PSD3: variants seen among roughly 807,000 people sequenced by gnomAD.
PSD3 encodes the protein PH and SEC7 domain-containing protein 3.
A neutral mutation model predicts 105.5 loss-of-function variants in PSD3; 49 were observed. The ratio of observed to expected loss-of-function variants is 0.46; its 90% confidence interval spans 0.37 to 0.59. The LOEUF (loss-of-function observed/expected upper bound fraction) is 0.59, where lower values mean the gene tolerates loss of function less well. PSD3 is among the 20% of genes least tolerant of loss of function. The pLI is 0.00. For synonymous variants in PSD3, 557 were observed against 457.8 expected (o/e 1.22, Z -2.77); for missense variants, 1,561 against 1,263.8 (o/e 1.24, Z -3.57).
chr8:18,669,164 G>T (rs1379525050), intron 9 of PSD3, among the ~76,000 whole-genome samples: 1 of 152,116 alleles, frequency 6.6e-6, no homozygotes, highest in Non-Finnish European at 1.5e-5. Flanking sequence ...ACAAATATTT[G>T]ATTATAACAC....
chr8:18,627,975 A>T (rs924350637), intron 11 of PSD3, among the ~76,000 whole-genome samples: 2 of 152,082 alleles, frequency 1.3e-5, no homozygotes, highest in Non-Finnish European at 2.9e-5. Context: ...ATAAGGAGAG[A>T]AACGGAAGAT....
Position 19,039,307 on chromosome 8 carries a change from T to C in PSD3, c.324+44899A>G, listed in dbSNP as rs140796605. ...ATTACAAAATCAGTGCATGTATCTG[T>C]GCTCATTTCTGGGCTTCAGTTTTTC... On this transcript the variant is annotated intron_variant, in intron 1 of 1. Coordinates refer to the PSD3 transcript ENST00000521475. 7.6e-4 allele frequency among the ~76,000 whole-genome samples: 116 copies of C among 152,362 alleles called. 1 individual carries two copies. The highest frequency in any genetic ancestry group is 2.6e-3 in the African/African-American group (108 of 41,588).
Position 18,950,531 on chromosome 8 carries a change from C to T in PSD3, c.22-14389G>A, listed in dbSNP as rs988752044. 4.6e-5 allele frequency among the ~76,000 whole-genome samples: 7 copies of T among 152,258 alleles called. 1 individual carries two copies. Among genetic ancestry groups the T allele is most frequent in the East Asian group, 3.9e-4 (2 of 5,172 alleles). On this transcript the variant is annotated intron_variant, in intron 1 of 15. Transcript: ENST00000327040. Reference sequence around the variant, plus strand: ...TTTGCACCCTCTGGCCATCATCTCCCGATTTCCCCTACCCCAGCCTCTGGT... The same window carrying T: ...TTTGCACCCTCTGGCCATCATCTCCTGATTTCCCCTACCCCAGCCTCTGGT...
At chr8:18,974,983 A>C (rs564751685) in intron 1 of PSD3, among the ~76,000 whole-genome samples, 3 of 152,308 alleles carry the variant, frequency 2.0e-5, no homozygotes, top group Admixed American at 2.0e-4. Context: ...GCATTGGAGA[A>C]AGAGAAAAAG....
intron 9 of PSD3, among the ~76,000 whole-genome samples, chr8:18,740,973 C>G (rs973917617): frequency 6.6e-6 from 1 of 151,974 alleles, no homozygotes; most frequent in Non-Finnish European, 1.5e-5. Context: ...ATCTGACCCT[C>G]AAGAAATAAG....
chr8:18,651,760 G>A (rs1808497457), intron 10 of PSD3, among the ~76,000 whole-genome samples: 1 of 152,168 alleles, frequency 6.6e-6, no homozygotes, highest in Admixed American at 6.5e-5. Context: ...GATGGAATAG[G>A]AGCTGGACTG....
At chr8:18,731,075 G>C (rs1803710477) in intron 9 of PSD3, among the ~76,000 whole-genome samples, 1 of 130,256 alleles carries the variant, frequency 7.7e-6, no homozygotes, top group African/African-American at 2.8e-5. Context: ...GGCCAACATG[G>C]TAAAACCCTG....
intron 15 of PSD3, among the ~76,000 whole-genome samples, chr8:18,549,418 G>T (rs1800635345): frequency 1.3e-5 from 2 of 152,072 alleles, no homozygotes; most frequent in South Asian, 4.2e-4. Flanking sequence ...ATGTTGGCCA[G>T]GCTGGTCTTG....
chr8:19,060,411 T>A (rs1012263464), intron 1 of PSD3, among the ~76,000 whole-genome samples: 1 of 152,200 alleles, frequency 6.6e-6, no homozygotes, highest in African/African-American at 2.4e-5. Flanking sequence ...ATCTTATATA[T>A]AGCTCCACTC....
At chr8:18,538,057 G>C (rs1799937352) in intron 15 of PSD3, among the ~76,000 whole-genome samples, 1 of 152,314 alleles carries the variant, frequency 6.6e-6, no homozygotes, top group African/African-American at 2.4e-5. Context: ...GTAGGTATGA[G>C]GAAATAGGAC....
intron 11 of PSD3, among the ~76,000 whole-genome samples, chr8:18,616,305 T>G (rs572495699): frequency 5.3e-5 from 8 of 152,226 alleles, no homozygotes; most frequent in Non-Finnish European, 1.2e-4. Context: ...GACCCTACAA[T>G]ACATTTCTTT....
intron 1 of PSD3, among the ~76,000 whole-genome samples, chr8:19,082,607 C>A (rs1189249363): frequency 6.6e-6 from 1 of 152,138 alleles, no homozygotes; most frequent in East Asian, 1.9e-4. Flanking sequence ...AGGGTGAGAT[C>A]CACACACTTG....
At chr8:18,627,125 A>G (rs1166620962) in intron 11 of PSD3, among the ~76,000 whole-genome samples, 4 of 152,126 alleles carry the variant, frequency 2.6e-5, no homozygotes, top group Non-Finnish European at 4.4e-5. Context: ...ATTGGATTAT[A>G]ATTCTGAAGA....
intron 1 of PSD3, among the ~76,000 whole-genome samples, chr8:19,064,020 A>G (rs990970405): frequency 6.6e-6 from 1 of 152,048 alleles, no homozygotes; most frequent in Non-Finnish European, 1.5e-5. Context: ...GCACACCTGT[A>G]ATCCCAGCTA....
At chr8:18,893,695 C>T (rs557093740) in intron 2 of PSD3, among the ~76,000 whole-genome samples, 5 of 152,096 alleles carry the variant, frequency 3.3e-5, no homozygotes, top group Admixed American at 3.3e-4. Flanking sequence ...GGCAGGGAAG[C>T]AGGATCAGAA....
intron 14 of PSD3, among the ~76,000 whole-genome samples, chr8:18,568,225 C>T (rs1801914004): frequency 6.6e-6 from 1 of 152,146 alleles, no homozygotes; most frequent in African/African-American, 2.4e-5. Flanking sequence ...GGCTAAGATA[C>T]CCAGTGACCT....
intron 9 of PSD3, among the ~76,000 whole-genome samples, chr8:18,666,185 G>C (rs10106170): frequency 2.6e-5 from 4 of 152,158 alleles, no homozygotes; most frequent in Non-Finnish European, 1.5e-5. Context: ...TGAGTAGCTG[G>C]AATTATAGGG....
chr8:18,559,736 T>C (rs1035513985), intron 14 of PSD3, among the ~76,000 whole-genome samples: 36 of 152,290 alleles, frequency 2.4e-4, no homozygotes, highest in African/African-American at 8.7e-4. Flanking sequence ...AATGTCTCTT[T>C]TTCTGTTGAA....
intron 1 of PSD3, among the ~76,000 whole-genome samples, chr8:19,045,003 C>T (rs1449854812): frequency 2.6e-5 from 4 of 151,962 alleles, no homozygotes; most frequent in Non-Finnish European, 5.9e-5. Flanking sequence ...AGTCCAACAT[C>T]GTGAAACCCT....
Sources: allele counts gnomAD v4.1 joint callset (sites outside exome capture counted in the v4.1 genomes callset), GRCh38; gene constraint gnomAD v4.1.1; transcripts MANE v1.5; gene names NCBI Gene and HGNC (gene_info 2026-07-23, HGNC 2026-07-21).